The following KIAA2012 variants were observed in gnomAD, a reference collection of about 807,000 sequenced individuals.
The protein encoded by KIAA2012 is uncharacterized protein KIAA2012.
A neutral mutation model predicts 150.6 loss-of-function variants in KIAA2012; 125 were observed. That is an observed-to-expected ratio of 0.83 (90% confidence interval 0.72 to 0.96). The LOEUF (loss-of-function observed/expected upper bound fraction) is 0.96. Among genes scored for constraint, KIAA2012 ranks in the 40% least tolerant of loss-of-function variants. The probability of loss-of-function intolerance (pLI) is 0.00; values close to 1 mark genes in which losing one functional copy is unlikely to be tolerated. For synonymous variants in KIAA2012, 462 were observed against 504.7 expected, an observed-to-expected ratio of 0.92 and a Z score of 1.13; for missense variants, 1,219 against 1,354.9, an observed-to-expected ratio of 0.90 and a Z score of 1.57.
intron 15 of KIAA2012, among the ~76,000 whole-genome samples, chr2:202,180,779 C>T (rs1692102375): frequency 6.6e-6 from 1 of 152,124 alleles, no homozygotes; most frequent in Admixed American, 6.6e-5. Context: ...GAGCCGAGAT[C>T]GCACCACTGC....
intron 2 of KIAA2012, among the ~76,000 whole-genome samples, chr2:202,084,194 C>T (rs1314306454): frequency 1.3e-5 from 2 of 152,158 alleles, no homozygotes; most frequent in African/African-American, 2.4e-5. Context: ...GCTGGGCCAC[C>T]GTCTGCGGTA....
intron 15 of KIAA2012, among the ~76,000 whole-genome samples, chr2:202,178,382 T>C (rs1692040766): frequency 6.6e-6 from 1 of 152,172 alleles, no homozygotes; most frequent in African/African-American, 2.4e-5. Context: ...ACTTCGTTTG[T>C]TCCAATACTT....
chr2:202,142,997 AC>A (rs1403880829), intron 13 of KIAA2012, among the ~76,000 whole-genome samples: 1 of 150,016 alleles, frequency 6.7e-6, no homozygotes, highest in Non-Finnish European at 1.5e-5. Context: ...CCCAGTTGTG[AC>A]AATCAAAAAT....
chr2:202,128,284 G>C (rs1014569431), intron 12 of KIAA2012, among the ~76,000 whole-genome samples: 8 of 151,864 alleles, frequency 5.3e-5, no homozygotes, highest in African/African-American at 1.9e-4. Context: ...CTTTTCTTTT[G>C]AGACAGGGTC....
intron 14 of KIAA2012, among the ~76,000 whole-genome samples, chr2:202,160,174 C>CT (rs1691619226): frequency 6.6e-6 from 1 of 152,186 alleles, no homozygotes; most frequent in African/African-American, 2.4e-5. Flanking sequence ...TCTATGAGGT[C>CT]TGTCTGTTCT....
intron 13 of KIAA2012, among the ~76,000 whole-genome samples, chr2:202,145,222 A>G (rs1404574477): frequency 6.6e-6 from 1 of 152,182 alleles, no homozygotes; most frequent in Non-Finnish European, 1.5e-5. Flanking sequence ...GACACTGCCA[A>G]CGTTCACCTA....
intron 15 of KIAA2012, among the ~76,000 whole-genome samples, chr2:202,184,340 C>T (rs960318707): frequency 2.7e-5 from 4 of 149,312 alleles, no homozygotes; most frequent in East Asian, 2.0e-4. Flanking sequence ...CCGGAGATCA[C>T]GCCACTGCAC....
At chr2:202,185,493 A>C (rs1337051048) in intron 16 of KIAA2012, among the ~76,000 whole-genome samples, 1 of 152,200 alleles carries the variant, frequency 6.6e-6, no homozygotes, top group Non-Finnish European at 1.5e-5. Context: ...TGTGTTCCCC[A>C]GGAATAAAGG....
At chr2:202,135,005 TGAA>T (rs1691032036) in intron 12 of KIAA2012, among the ~76,000 whole-genome samples, 1 of 152,198 alleles carries the variant, frequency 6.6e-6, no homozygotes, top group African/African-American at 2.4e-5. Flanking sequence ...GAGTGTTTGG[TGAA>T]GGAGTCCATG....
rs562963793 is a variant in KIAA2012 at position 202,183,256 on chromosome 2, C to T, written c.2120-1497C>T. Among the ~76,000 whole-genome samples the T allele has an allele frequency of 8.6e-5, 13 of 151,980 alleles. No homozygotes were observed. The East Asian group carries it at 9.7e-4, about 11-fold the overall frequency. On this transcript the variant is annotated intron_variant, in intron 15 of 23. Transcript: ENST00000498697. ...GCAACATAGTGAGACTCCGTCTATA[C>T]GAAAAATAGAAAAAATTAGCCGAGT...
At position 202,150,934 on chromosome 2, in the gene KIAA2012, T is replaced by C. The variant is rs181565576; in HGVS notation, c.1909-3739T>C. 3.9e-5 allele frequency among the ~76,000 whole-genome samples: 6 copies of C among 152,318 alleles called. No homozygotes were observed. The East Asian group carries it at 1.2e-3, about 29-fold the overall frequency. Reference sequence around the variant, plus strand: ...TCACTATTTATTCTTCTGTCTTTGCTCTCAACATACCCAAGAGCTGCAAGT... The same window carrying C: ...TCACTATTTATTCTTCTGTCTTTGCCCTCAACATACCCAAGAGCTGCAAGT... On this transcript the variant is annotated intron_variant, in intron 13 of 23. Coordinates refer to ENST00000498697, the MANE Select transcript of KIAA2012 (RefSeq NM_001277372.4).
intron 12 of KIAA2012, among the ~76,000 whole-genome samples, chr2:202,126,874 T>G (rs1038392009): frequency 2.6e-5 from 4 of 152,190 alleles, no homozygotes; most frequent in East Asian, 3.8e-4. Flanking sequence ...GAACCTGTAT[T>G]TTTATGACTA....
intron 11 of KIAA2012, chr2:202,114,925 T>C (rs1307301340): frequency 6.0e-6 from 1 of 167,476 alleles, no homozygotes; most frequent in Non-Finnish European, 1.5e-5. Flanking sequence ...AGTTAGCCAC[T>C]GACCTTTCTC....
At chr2:202,095,021 A>T (rs1266344260) in intron 4 of KIAA2012, among the ~76,000 whole-genome samples, 1 of 152,204 alleles carries the variant, frequency 6.6e-6, no homozygotes, top group Non-Finnish European at 1.5e-5. Context: ...CATTTATAAA[A>T]TGGAGATGAC....
At chr2:202,126,419 C>A (rs1321474979) in intron 12 of KIAA2012, among the ~76,000 whole-genome samples, 1 of 152,198 alleles carries the variant, frequency 6.6e-6, no homozygotes, top group Non-Finnish European at 1.5e-5. Flanking sequence ...ACAACTGTAT[C>A]CTTGCCAATC....
At chr2:202,082,351 T>C (rs183751296) in intron 2 of KIAA2012, among the ~76,000 whole-genome samples, 48 of 152,268 alleles carry the variant, frequency 3.2e-4, no homozygotes, top group Admixed American at 1.1e-3. Context: ...TGAGACCCTG[T>C]CTCTGTCTCT....
intron 13 of KIAA2012, among the ~76,000 whole-genome samples, chr2:202,153,339 A>G (rs1691464330): frequency 1.3e-5 from 2 of 152,152 alleles, no homozygotes. Flanking sequence ...CTGGGTGGTC[A>G]CAGGGGCACA....
At chr2:202,075,984 G>A (rs1173591885) in intron 2 of KIAA2012, among the ~76,000 whole-genome samples, 1 of 152,152 alleles carries the variant, frequency 6.6e-6, no homozygotes, top group African/African-American at 2.4e-5. Flanking sequence ...CATCATGGAC[G>A]CCATAAGGCC....
At chr2:202,088,580 T>G (rs1362441929) in intron 2 of KIAA2012, among the ~76,000 whole-genome samples, 1 of 152,132 alleles carries the variant, frequency 6.6e-6, no homozygotes, top group Non-Finnish European at 1.5e-5. Context: ...CTTTCACAAG[T>G]GCAGGGTGGG....
Sources: gnomAD v4.1 joint callset for allele counts (sites outside exome capture counted in the v4.1 genomes callset) on GRCh38, gnomAD v4.1.1 for gene constraint, MANE v1.5 for transcripts, NCBI Gene and HGNC (gene_info 2026-07-23, HGNC 2026-07-21) for gene names.